The following SYT16 variants were observed in gnomAD, a reference collection of about 807,000 sequenced individuals.
SYT16 encodes synaptotagmin 16.
SYT16 carries 42 observed loss-of-function variants against 61.4 expected under a neutral mutation model. The observed-to-expected ratio is 0.68, with a 90% CI of 0.53 to 0.89. The LOEUF is 0.89. Among genes scored for constraint, SYT16 ranks in the 40% least tolerant of loss-of-function variants. SYT16 has a pLI of 0.00. For missense variants in SYT16, 804 were observed against 807.3 expected, an observed-to-expected ratio of 1.00 and a Z score of 0.05; for synonymous variants, 314 against 302.3, an observed-to-expected ratio of 1.04 and a Z score of -0.40.
At chr14:61,866,775 A>T (rs2047169510) in intron 1 of SYT16, among the ~76,000 whole-genome samples, 1 of 152,032 alleles carries the variant, frequency 6.6e-6, no homozygotes, top group African/African-American at 2.4e-5. Context: ...ATAAAATCCA[A>T]TTATTTTTTC....
chr14:62,053,654 G>A (rs2055411082), intron 3 of SYT16, among the ~76,000 whole-genome samples: 1 of 152,006 alleles, frequency 6.6e-6, no homozygotes, highest in South Asian at 2.1e-4. Flanking sequence ...AGATGTTAAG[G>A]GCAGAGACTA....
intron 1 of SYT16, among the ~76,000 whole-genome samples, chr14:61,966,834 T>C (rs1193326905): frequency 6.6e-6 from 1 of 152,222 alleles, no homozygotes; most frequent in Non-Finnish European, 1.5e-5. Context: ...GGTATGTCTT[T>C]CCAGGAGTTT....
intron 2 of SYT16, among the ~76,000 whole-genome samples, chr14:61,994,184 G>C (rs1479123814): frequency 6.6e-6 from 1 of 152,204 alleles, no homozygotes; most frequent in Non-Finnish European, 1.5e-5. Context: ...GTGTTGAAGA[G>C]AGAAATTCAC....
chr14:62,082,749 G>C (rs963792276), intron 6 of SYT16, among the ~76,000 whole-genome samples: 1 of 152,204 alleles, frequency 6.6e-6, no homozygotes, highest in East Asian at 1.9e-4. Context: ...TTGGGAATGG[G>C]GATGATCACA....
chr14:61,894,141 C>A (rs565179767), intron 1 of SYT16, among the ~76,000 whole-genome samples: 58 of 152,158 alleles, frequency 3.8e-4, no homozygotes, highest in Non-Finnish European at 6.3e-4. Flanking sequence ...AAAAATTAGC[C>A]GGGCATTGTG....
chr14:61,997,933 AG>A (rs2052834973), intron 3 of SYT16, among the ~76,000 whole-genome samples: 1 of 152,046 alleles, frequency 6.6e-6, no homozygotes, highest in Admixed American at 6.6e-5. Context: ...CCAGGAAGTC[AG>A]GGACCATGCC....
intron 3 of SYT16, among the ~76,000 whole-genome samples, chr14:62,066,050 G>C (rs1354245781): frequency 6.6e-6 from 1 of 152,232 alleles, no homozygotes; most frequent in African/African-American, 2.4e-5. Context: ...TAAAAGAGAA[G>C]ATCAGTGAAA....
At chr14:61,814,858 G>A (rs776459425) in intron 1 of SYT16, among the ~76,000 whole-genome samples, 7 of 152,126 alleles carry the variant, frequency 4.6e-5, no homozygotes, top group Admixed American at 2.0e-4. Flanking sequence ...AAAATTTCCC[G>A]CAAAGCTTGA....
At chr14:61,991,169 C>T (rs1476896553) in intron 2 of SYT16, among the ~76,000 whole-genome samples, 1 of 152,114 alleles carries the variant, frequency 6.6e-6, no homozygotes, top group Non-Finnish European at 1.5e-5. Context: ...CACACACATA[C>T]ACACACACCA....
At chr14:62,043,501 T>A (rs963658543) in intron 3 of SYT16, among the ~76,000 whole-genome samples, 2 of 149,366 alleles carry the variant, frequency 1.3e-5, no homozygotes, top group Non-Finnish European at 3.0e-5. Context: ...TCCGCCTCCC[T>A]GGTTCACGCC....
intron 3 of SYT16, among the ~76,000 whole-genome samples, chr14:62,009,725 C>T (rs781442474): frequency 6.6e-6 from 1 of 152,158 alleles, no homozygotes; most frequent in Non-Finnish European, 1.5e-5. Flanking sequence ...TACTCCAGCA[C>T]AGCCCCTCAC....
intron 1 of SYT16, among the ~76,000 whole-genome samples, chr14:61,909,010 A>G (rs1243776448): frequency 6.6e-6 from 1 of 152,064 alleles, no homozygotes; most frequent in Non-Finnish European, 1.5e-5. Flanking sequence ...TTTTGTAGAG[A>G]TGGAGGTCTC....
At chr14:61,988,128 C>T (rs2052397358) in intron 2 of SYT16, among the ~76,000 whole-genome samples, 1 of 152,084 alleles carries the variant, frequency 6.6e-6, no homozygotes, top group Non-Finnish European at 1.5e-5. Context: ...TAGATGTGCG[C>T]CCATGGCCCT....
chr14:61,906,292 T>C (rs1327198305), intron 1 of SYT16, among the ~76,000 whole-genome samples: 1 of 152,174 alleles, frequency 6.6e-6, no homozygotes, highest in Non-Finnish European at 1.5e-5. Context: ...TTATTCCTTA[T>C]GTTTTTTAGT....
rs1211753851 is a variant in SYT16, at chr14:61,996,248, A to G, written c.229A>G (p.Ser77Gly). 2.5e-6 allele frequency: 4 copies of G among 1,613,650 alleles called. No homozygotes were observed. In the Admixed American group the frequency reaches 6.7e-5, roughly 27 times the overall value. Reference sequence around the variant, plus strand: ...AGATGAAGAACAAGACAATGATTGGAGTCAAGAGGATGCAAATTCCTTGTT... The same window carrying G: ...AGATGAAGAACAAGACAATGATTGGGGTCAAGAGGATGCAAATTCCTTGTT... ...FEDEEQDNDW[S>G]QEDANSLFLE... Residue 77 changes from serine (S) to glycine (G), a missense_variant, in exon 3 of 8, where the codon AGT becomes GGT. Ser to Gly is a moderately conservative substitution (Grantham distance 56). Transcript: ENST00000683842.
chr14:62,080,112 T>A (rs1180724711), intron 5 of SYT16, among the ~76,000 whole-genome samples: 2 of 152,192 alleles, frequency 1.3e-5, no homozygotes, highest in East Asian at 3.9e-4. Flanking sequence ...AATTTAGGTG[T>A]TCTGGCTCCA....
At chr14:62,005,376 A>G (rs111794521) in intron 3 of SYT16, among the ~76,000 whole-genome samples, 121 of 152,242 alleles carry the variant, frequency 7.9e-4, no homozygotes, top group Non-Finnish European at 1.6e-3. Flanking sequence ...ATGAGGTAAA[A>G]GAGCCCAGGG....
rs8012592 is a variant in SYT16 at position 62,107,269 on chromosome 14, A to G, written c.*6562A>G. Reference sequence around the variant, plus strand: ...GGCAACATAGTGAGATCTTGTCTCTACAAAATACCAAACATTCGCTGGGTA... The same window carrying G: ...GGCAACATAGTGAGATCTTGTCTCTGCAAAATACCAAACATTCGCTGGGTA... On this transcript the variant is annotated 3_prime_UTR_variant, in exon 8 of 8. Transcript: ENST00000683842. 1 of 151,810 alleles carries G rather than the reference A, an allele frequency of 6.6e-6. No individual in the cohort carries two copies. The highest frequency in any genetic ancestry group is 1.5e-5 in the Non-Finnish European group (1 of 68,012). 9.4% of individuals were successfully genotyped at this position (151,810 alleles called of 1,614,324 possible). A position where few individuals can be genotyped will look rare whatever the true frequency, so the allele number is the denominator to read the frequency against.
rs10147893 is a variant in SYT16, at chr14:62,104,371, C to G, written c.*3664C>G. 0.11 allele frequency: 16,986 copies of G among 152,256 alleles called. 1,388 individuals are homozygous for G. Among genetic ancestry groups the G allele is most frequent in the African/African-American group, 0.23 (9,350 of 41,540 alleles). The allele number at this position is 152,256 out of a possible 1,614,324, so 9.4% of individuals were successfully genotyped here. A position where few individuals can be genotyped will look rare whatever the true frequency, so the allele number is the denominator to read the frequency against. On this transcript the variant is annotated 3_prime_UTR_variant, in exon 8 of 8. Coordinates refer to ENST00000683842, the MANE Select transcript of SYT16 (RefSeq NM_001367656.1). ...GAGGAAACTGTGGTTAAAGAACATT[C>G]TATTCTATTTGATCTAAGAGCAAAG...
Sources: gnomAD v4.1 joint callset for allele counts (sites outside exome capture counted in the v4.1 genomes callset) on GRCh38, gnomAD v4.1.1 for gene constraint, MANE v1.5 for transcripts, NCBI Gene and HGNC (gene_info 2026-07-23, HGNC 2026-07-21) for gene names.